The following SLCO6A1 variants were observed in gnomAD, a reference collection of about 807,000 sequenced individuals.
SLCO6A1 encodes cancer/testis antigen 48.
SLCO6A1 carries 65 observed loss-of-function variants against 72.7 expected under a neutral mutation model. The ratio of observed to expected loss-of-function variants is 0.89; its 90% confidence interval spans 0.73 to 1.10. The LOEUF is 1.10. SLCO6A1 is among the 50% of genes least tolerant of loss of function. The pLI, the probability that SLCO6A1 is intolerant of heterozygous loss-of-function variation, is 0.00. For synonymous variants in SLCO6A1, 314 were observed against 298.2 expected, an observed-to-expected ratio of 1.05 and a Z score of -0.55; for missense variants, 874 against 872.6, an observed-to-expected ratio of 1.00 and a Z score of -0.02.
intron 1 of SLCO6A1, among the ~76,000 whole-genome samples, chr5:102,491,082 C>T (rs1056140795): frequency 6.6e-6 from 1 of 152,058 alleles, no homozygotes; most frequent in African/African-American, 2.4e-5. Context: ...TCTCCATGTC[C>T]CCACTAGATT....
intron 4 of SLCO6A1, among the ~76,000 whole-genome samples, chr5:102,468,199 C>T (rs944014768): frequency 6.6e-6 from 1 of 151,968 alleles, no homozygotes; most frequent in African/African-American, 2.4e-5. Flanking sequence ...TGAGAGGATA[C>T]TTGATATGCT....
At chr5:102,454,479 A>G (rs1482957951) in intron 6 of SLCO6A1, among the ~76,000 whole-genome samples, 1 of 152,166 alleles carries the variant, frequency 6.6e-6, no homozygotes, top group African/African-American at 2.4e-5. Context: ...TCTCTTTGCA[A>G]TTCTAAAAGT....
intron 4 of SLCO6A1, among the ~76,000 whole-genome samples, chr5:102,470,715 T>G (rs1751566134): frequency 6.6e-6 from 1 of 152,138 alleles, no homozygotes; most frequent in Non-Finnish European, 1.5e-5. Flanking sequence ...AGCTGGACTG[T>G]AGAGATTATT....
At chr5:102,427,392 G>A (rs1748950782) in intron 7 of SLCO6A1, among the ~76,000 whole-genome samples, 1 of 152,046 alleles carries the variant, frequency 6.6e-6, no homozygotes, top group Admixed American at 6.6e-5. Flanking sequence ...TCACTCACAT[G>A]GATAGTATAT....
chr5:102,473,466 T>C (rs1441713495), intron 4 of SLCO6A1, among the ~76,000 whole-genome samples: 1 of 151,966 alleles, frequency 6.6e-6, no homozygotes, highest in Non-Finnish European at 1.5e-5. Context: ...ACAAGGAAAT[T>C]ACACCTCAAT....
intron 8 of SLCO6A1, among the ~76,000 whole-genome samples, chr5:102,415,984 T>C (rs1297432193): frequency 6.6e-6 from 1 of 152,036 alleles, no homozygotes; most frequent in Non-Finnish European, 1.5e-5. Flanking sequence ...ATCAAACAAA[T>C]GCAAATCCAA....
At chr5:102,383,899 A>G (rs936085587) in intron 12 of SLCO6A1, among the ~76,000 whole-genome samples, 2 of 151,800 alleles carry the variant, frequency 1.3e-5, no homozygotes, top group Non-Finnish European at 3.0e-5. Flanking sequence ...CTACTTATTC[A>G]TGATTATGTC....
At chr5:102,486,912 T>G (rs1752468274) in intron 1 of SLCO6A1, among the ~76,000 whole-genome samples, 1 of 152,194 alleles carries the variant, frequency 6.6e-6, no homozygotes, top group African/African-American at 2.4e-5. Flanking sequence ...CCAAAACTTT[T>G]CTTTAATTTC....
rs573144684 is a variant in SLCO6A1, at chr5:102,495,601, G to T, written c.358+2886C>A. Among the ~76,000 whole-genome samples the T allele has an allele frequency of 4.1e-3, 625 of 152,120 alleles. 10 individuals carry two copies. The highest frequency in any genetic ancestry group is 0.015 in the African/African-American group (602 of 41,504). On this transcript the variant is annotated intron_variant, in intron 1 of 13. Transcript: ENST00000506729. ...CAAGAGCAAGACTCACTCAGCAGAG[G>T]CAGTCTCAAAATTAATTAAATAAAT...
intron 1 of SLCO6A1, among the ~76,000 whole-genome samples, chr5:102,498,004 A>G (rs1370175935): frequency 6.6e-6 from 1 of 152,132 alleles, no homozygotes. Flanking sequence ...CCAGACAAGT[A>G]ATCTGGGTCA....
chr5:102,443,766 T>A (rs961683521), intron 6 of SLCO6A1, among the ~76,000 whole-genome samples: 17 of 152,328 alleles, frequency 1.1e-4, no homozygotes, highest in African/African-American at 3.8e-4. Flanking sequence ...AAAAGTCTAT[T>A]TCTTTTCTTA....
chr5:102,437,613 C>T (rs1749613312), intron 7 of SLCO6A1, among the ~76,000 whole-genome samples: 2 of 152,104 alleles, frequency 1.3e-5, no homozygotes, highest in African/African-American at 4.8e-5. Flanking sequence ...CCATTGAAAG[C>T]TGATCTATTT....
chr5:102,458,600 T>A, intron 5 of SLCO6A1, 109 bp from the exon 6 acceptor site: 3 of 677,366 alleles, frequency 4.4e-6, no homozygotes, highest in Non-Finnish European at 7.4e-6. Flanking sequence ...AAATGGCAAA[T>A]GAGTTATTTT....
chr5:102,412,979 A>G lies in SLCO6A1; in HGVS notation c.1626+11T>C. 1 of 1,222,794 alleles carries G rather than the reference A, an allele frequency of 8.2e-7. No individual in the cohort carries two copies. The highest frequency in any genetic ancestry group is 1.1e-6 in the Non-Finnish European group (1 of 939,132). 75.7% of individuals were successfully genotyped at this position (1,222,794 alleles called of 1,614,324 possible). A position where few individuals can be genotyped will look rare whatever the true frequency, so the allele number is the denominator to read the frequency against. ...GTATAACAAAACATAATAATTATAA[A>G]AAATAATTACCTTTTTTTGGTTTTG... On this transcript the variant is annotated intron_variant, in intron 9 of 13. Transcript: ENST00000506729.
chr5:102,413,525 G>A (rs1187804761), intron 8 of SLCO6A1, among the ~76,000 whole-genome samples: 1 of 152,098 alleles, frequency 6.6e-6, no homozygotes, highest in African/African-American at 2.4e-5. Flanking sequence ...AAGTGTTTAT[G>A]AAATAGAATC....
At chr5:102,417,771 T>G (rs1238336103) in intron 8 of SLCO6A1, among the ~76,000 whole-genome samples, 1 of 152,126 alleles carries the variant, frequency 6.6e-6, no homozygotes, top group Non-Finnish European at 1.5e-5. Flanking sequence ...TAACATTTTA[T>G]GTAGTGTGGG....
At chr5:102,467,408 T>A (rs1394212430) in intron 4 of SLCO6A1, among the ~76,000 whole-genome samples, 1 of 151,660 alleles carries the variant, frequency 6.6e-6, no homozygotes, top group African/African-American at 2.4e-5. Flanking sequence ...TGAGAATCTC[T>A]TTAAAAAAAA....
intron 2 of SLCO6A1, among the ~76,000 whole-genome samples, chr5:102,478,381 T>C (rs1475524240): frequency 6.6e-6 from 1 of 152,222 alleles, no homozygotes; most frequent in Non-Finnish European, 1.5e-5. Context: ...ATGTTCTAGA[T>C]TATCTGCGTT....
At chr5:102,397,706 A>G (rs1408991650) in intron 10 of SLCO6A1, among the ~76,000 whole-genome samples, 1 of 152,140 alleles carries the variant, frequency 6.6e-6, no homozygotes, top group Non-Finnish European at 1.5e-5. Context: ...GATACCTGTG[A>G]TCTGTCAGTC....
Sources: gnomAD v4.1 joint callset for allele counts (sites outside exome capture counted in the v4.1 genomes callset) on GRCh38, gnomAD v4.1.1 for gene constraint, MANE v1.5 for transcripts, NCBI Gene and HGNC (gene_info 2026-07-23, HGNC 2026-07-21) for gene names.